CDH13: variants seen among roughly 807,000 people sequenced by gnomAD.
CDH13 encodes the protein cadherin-13.
CDH13 carries 24 observed loss-of-function variants against 63.8 expected under a neutral mutation model. The ratio of observed to expected loss-of-function variants is 0.38; its 90% CI spans 0.27 to 0.53. CDH13 has a LOEUF of 0.53. CDH13 is among the 20% of genes least tolerant of loss of function. The pLI, the probability that CDH13 is intolerant of heterozygous loss-of-function variation, is 0.85. For synonymous variants in CDH13, 503 were observed against 355.3 expected (o/e 1.42, Z -4.67); for missense variants, 1,049 against 903.1 (o/e 1.16, Z -2.07).
At chr16:83,295,173 C>T (rs900955498) in intron 5 of CDH13, among the ~76,000 whole-genome samples, 12 of 152,088 alleles carry the variant, frequency 7.9e-5, no homozygotes, top group African/African-American at 2.9e-4. Flanking sequence ...ACCGCATATC[C>T]ATATGCAGAA....
intron 2 of CDH13, among the ~76,000 whole-genome samples, chr16:82,937,946 A>G (rs1186059825): frequency 6.6e-6 from 1 of 152,240 alleles, no homozygotes; most frequent in Non-Finnish European, 1.5e-5. Flanking sequence ...ATAGTTATTC[A>G]AATGTAACAC....
At chr16:83,134,753 G>A (rs556941479) in intron 4 of CDH13, among the ~76,000 whole-genome samples, 23 of 152,176 alleles carry the variant, frequency 1.5e-4, no homozygotes, top group South Asian at 4.2e-4. Context: ...TTCACCATTC[G>A]CAAGTGTTGC....
chr16:83,594,219 T>C (rs550253164), intron 7 of CDH13, among the ~76,000 whole-genome samples: 1 of 152,352 alleles, frequency 6.6e-6, no homozygotes, highest in African/African-American at 2.4e-5. Context: ...CCAAAAATTC[T>C]ACTAAATAAT....
chr16:82,876,616 G>C (rs908135756), intron 2 of CDH13, among the ~76,000 whole-genome samples: 10 of 152,136 alleles, frequency 6.6e-5, no homozygotes, highest in Admixed American at 6.5e-4. Context: ...GTTGGGCATT[G>C]GTCTGTGGAC....
At chr16:83,122,492 A>G (rs1322732871) in intron 3 of CDH13, among the ~76,000 whole-genome samples, 1 of 152,224 alleles carries the variant, frequency 6.6e-6, no homozygotes, top group Non-Finnish European at 1.5e-5. Context: ...GTGACATGCT[A>G]CTTGGAGAGT....
At chr16:83,570,693 A>T (rs1290065810) in intron 7 of CDH13, among the ~76,000 whole-genome samples, 4 of 146,140 alleles carry the variant, frequency 2.7e-5, no homozygotes, top group South Asian at 2.1e-4. Context: ...AAAAAAATTT[A>T]AATTTATTAT....
chr16:83,061,151 A>G (rs1187455749), intron 3 of CDH13, among the ~76,000 whole-genome samples: 1 of 152,232 alleles, frequency 6.6e-6, no homozygotes, highest in African/African-American at 2.4e-5. Flanking sequence ...TGCACAGCAC[A>G]GTGGAGGAGA....
chr16:83,344,664 G>A (rs2090799365), intron 5 of CDH13, among the ~76,000 whole-genome samples, 198 bp from the exon 6 acceptor site: 2 of 152,192 alleles, frequency 1.3e-5, no homozygotes, highest in Admixed American at 6.5e-5. Context: ...GGGATCTAAA[G>A]TGAACTGATC....
At chr16:83,401,018 C>T (rs1024637344) in intron 6 of CDH13, among the ~76,000 whole-genome samples, 11 of 152,048 alleles carry the variant, frequency 7.2e-5, no homozygotes, top group African/African-American at 1.4e-4. Flanking sequence ...GCCTGGCCAA[C>T]GTGGTGAAAC....
intron 6 of CDH13, among the ~76,000 whole-genome samples, chr16:83,485,372 A>T (rs7206140): frequency 0.44 from 67,413 of 152,078 alleles, 15,423 homozygotes; most frequent in Middle Eastern, 0.52. Flanking sequence ...GAGACCCATT[A>T]TCTGACACCC....
At chr16:83,092,774 T>C (rs2033981610) in intron 3 of CDH13, among the ~76,000 whole-genome samples, 1 of 152,218 alleles carries the variant, frequency 6.6e-6, no homozygotes, top group Non-Finnish European at 1.5e-5. Flanking sequence ...CGATCTTATC[T>C]AGATTCACTC....
chr16:83,266,636 CT>C (rs1290145228), intron 5 of CDH13, among the ~76,000 whole-genome samples: 1 of 152,188 alleles, frequency 6.6e-6, no homozygotes, highest in Non-Finnish European at 1.5e-5. Flanking sequence ...AGACTGTGCC[CT>C]TTACTAACTC....
chr16:83,485,803 T>A (rs2073873446), intron 6 of CDH13, among the ~76,000 whole-genome samples: 1 of 152,112 alleles, frequency 6.6e-6, no homozygotes. Context: ...GTACTCCTGT[T>A]TCCCCAACAC....
intron 6 of CDH13, among the ~76,000 whole-genome samples, chr16:83,461,463 G>C (rs1326247666): frequency 3.3e-5 from 5 of 152,178 alleles, no homozygotes; most frequent in African/African-American, 4.8e-5. Flanking sequence ...CAGAGGTGAA[G>C]ATGAAATCTT....
At chr16:83,650,532 T>C (rs2150819090) in intron 8 of CDH13, among the ~76,000 whole-genome samples, 1 of 152,292 alleles carries the variant, frequency 6.6e-6, no homozygotes, top group South Asian at 2.1e-4. Context: ...GGATTAGTGG[T>C]TCTCAACCCC....
At chr16:82,808,907 CT>C in intron 1 of CDH13, among the ~76,000 whole-genome samples, 1 of 152,250 alleles carries the variant, frequency 6.6e-6, no homozygotes, top group South Asian at 2.1e-4. Flanking sequence ...AGTGAGCATC[CT>C]TATACCTGCC....
intron 7 of CDH13, among the ~76,000 whole-genome samples, chr16:83,503,026 A>G (rs1260768832): frequency 6.6e-6 from 1 of 152,202 alleles, no homozygotes; most frequent in Non-Finnish European, 1.5e-5. Context: ...GTTATGCTTC[A>G]GTTACATAAA....
intron 6 of CDH13, among the ~76,000 whole-genome samples, chr16:83,394,298 G>C (rs937055989): frequency 1.3e-5 from 2 of 152,006 alleles, no homozygotes; most frequent in African/African-American, 4.8e-5. Flanking sequence ...AGAGTGGCAG[G>C]GGTGCGGTTT....
intron 2 of CDH13, among the ~76,000 whole-genome samples, chr16:83,007,552 G>A (rs77380916): frequency 0.032 from 4,925 of 152,176 alleles, 107 homozygotes; most frequent in Non-Finnish European, 0.045. Flanking sequence ...TCTTAAGGCC[G>A]GGCTCAGTGG....
Sources: allele counts gnomAD v4.1 joint callset (sites outside exome capture counted in the v4.1 genomes callset), GRCh38; gene constraint gnomAD v4.1.1; transcripts MANE v1.5; gene names NCBI Gene and HGNC (gene_info 2026-07-23, HGNC 2026-07-21).